The following CTNNA2 variants were observed in gnomAD, a reference collection of about 807,000 sequenced individuals.
CTNNA2 encodes the protein catenin alpha 2.
In CTNNA2, 42 loss-of-function variants were observed where a neutral mutation model predicts 101.0. The ratio of observed to expected loss-of-function variants is 0.42; its 90% confidence interval spans 0.32 to 0.54. The LOEUF (loss-of-function observed/expected upper bound fraction) is 0.54, where lower values mean the gene tolerates loss of function less well. Ranked by LOEUF, CTNNA2 falls within the 20% of genes least tolerant of loss-of-function variation. The pLI is 0.14. For missense variants in CTNNA2, 871 were observed against 1,223.1 expected, an observed-to-expected ratio of 0.71 and a Z score of 4.29; for synonymous variants, 450 against 456.4, an observed-to-expected ratio of 0.99 and a Z score of 0.18.
chr2:79,875,798 A>G (rs1012864553), intron 6 of CTNNA2, among the ~76,000 whole-genome samples: 4 of 152,126 alleles, frequency 2.6e-5, no homozygotes, highest in Admixed American at 6.6e-5. Flanking sequence ...AAGACTTAAT[A>G]ATAGGTAATT....
chr2:80,614,232 T>C (rs1698675378), intron 17 of CTNNA2, among the ~76,000 whole-genome samples: 2 of 151,414 alleles, frequency 1.3e-5, no homozygotes, highest in South Asian at 2.1e-4. Context: ...GCCTTCTGTA[T>C]CTGTGAGTTC....
chr2:80,082,047 G>A (rs954144297), intron 7 of CTNNA2, among the ~76,000 whole-genome samples: 22 of 152,098 alleles, frequency 1.4e-4, no homozygotes, highest in African/African-American at 5.3e-4. Flanking sequence ...GGACCTAAGT[G>A]TAGGAATTAA....
At chr2:79,701,037 C>A (rs1453745781) in intron 2 of CTNNA2, among the ~76,000 whole-genome samples, 1 of 152,078 alleles carries the variant, frequency 6.6e-6, no homozygotes, top group East Asian at 1.9e-4. Flanking sequence ...TGATGAAAAA[C>A]AAAATATAGG....
intron 4 of CTNNA2, among the ~76,000 whole-genome samples, chr2:79,477,168 C>CTTTTTTTTTTTTTTTTTTTTTTTTTTTG (rs5832392): frequency 8.1e-6 from 1 of 123,148 alleles, no homozygotes; most frequent in Non-Finnish European, 1.6e-5. Context: ...TCTTTTTTTT[C>CTTTTTTTTTTTTTTTTTTTTTTTTTTTG]TTTTTTTTTT....
chr2:79,790,970 A>G (rs541967726), intron 3 of CTNNA2, among the ~76,000 whole-genome samples: 1 of 152,310 alleles, frequency 6.6e-6, no homozygotes. Context: ...AGAGCTGATT[A>G]ATTAAACCTT....
At chr2:80,588,166 G>C (rs1247873958) in intron 14 of CTNNA2, among the ~76,000 whole-genome samples, 1 of 152,146 alleles carries the variant, frequency 6.6e-6, no homozygotes, top group African/African-American at 2.4e-5. Context: ...CAATAACTCT[G>C]TAACTCATGC....
intron 7 of CTNNA2, among the ~76,000 whole-genome samples, chr2:80,211,717 T>C (rs1206420450): frequency 6.6e-6 from 1 of 152,198 alleles, no homozygotes; most frequent in Non-Finnish European, 1.5e-5. Flanking sequence ...TTTGGTTCCA[T>C]ATGAACTTTA....
intron 2 of CTNNA2, among the ~76,000 whole-genome samples, chr2:79,715,090 C>T (rs1685992094): frequency 6.7e-6 from 1 of 150,338 alleles, no homozygotes; most frequent in Non-Finnish European, 1.5e-5. Context: ...GCCTGTAATC[C>T]CAGGTACTTG....
chr2:79,874,156 G>A lies in CTNNA2; in HGVS notation c.666G>A (p.Thr222=), dbSNP rs202210209. 8 of 1,614,184 alleles carry A rather than the reference G, an allele frequency of 5.0e-6. No individual in the cohort carries two copies. The Admixed American group carries it at 5.0e-5, about 10-fold the overall frequency. The change falls in exon 6 of 19, where the codon ACG becomes ACA. Residue 222 remains threonine (T), a synonymous_variant. Transcript: ENST00000402739. ...AGAAGAATGCCACAATGCTGTACAC[G>A]GCCTCTCAAGCATTTCTCCGCCACC... ...ALKKNATMLY[T]ASQAFLRHPD... is the part of the protein sequence containing the mutation.
chr2:80,224,514 G>A (rs1308374959), intron 7 of CTNNA2, among the ~76,000 whole-genome samples: 2 of 151,174 alleles, frequency 1.3e-5, no homozygotes, highest in South Asian at 2.1e-4. Flanking sequence ...GTGTGATCTC[G>A]GCTCACTGCA....
intron 7 of CTNNA2, among the ~76,000 whole-genome samples, chr2:80,204,458 G>A (rs1354243163): frequency 6.6e-6 from 1 of 152,088 alleles, no homozygotes; most frequent in African/African-American, 2.4e-5. Context: ...CAAATCTCTA[G>A]AGCAGAGGCA....
chr2:80,033,816 C>T (rs561838816), intron 7 of CTNNA2, among the ~76,000 whole-genome samples: 1 of 151,970 alleles, frequency 6.6e-6, no homozygotes, highest in South Asian at 2.1e-4. Flanking sequence ...TATGGAAATT[C>T]AGTGTATGAA....
intron 8 of CTNNA2, among the ~76,000 whole-genome samples, chr2:80,412,352 A>T (rs2149395958): frequency 6.6e-6 from 1 of 152,324 alleles, no homozygotes; most frequent in Non-Finnish European, 1.5e-5. Context: ...TCTTTGTTAT[A>T]ACATTTTAAG....
At chr2:79,630,602 G>A (rs1479410886) in intron 1 of CTNNA2, among the ~76,000 whole-genome samples, 1 of 152,168 alleles carries the variant, frequency 6.6e-6, no homozygotes, top group African/African-American at 2.4e-5. Flanking sequence ...AATACCCAAA[G>A]TGCTAAAAGA....
chr2:79,211,489 GT>G (rs1558574719), intron 2 of CTNNA2, among the ~76,000 whole-genome samples: 1 of 152,190 alleles, frequency 6.6e-6, no homozygotes, highest in African/African-American at 2.4e-5. Context: ...TAAGATTTGG[GT>G]AGGTAAAGGA....
chr2:79,967,504 A>G (rs1690159055), intron 7 of CTNNA2, among the ~76,000 whole-genome samples: 1 of 152,130 alleles, frequency 6.6e-6, no homozygotes, highest in African/African-American at 2.4e-5. Flanking sequence ...AATTCTCCAA[A>G]TAGTAGCTAG....
intron 7 of CTNNA2, among the ~76,000 whole-genome samples, chr2:80,348,022 G>A (rs1672928853): frequency 6.6e-6 from 1 of 151,904 alleles, no homozygotes; most frequent in Non-Finnish European, 1.5e-5. Flanking sequence ...AGCTCCCCAG[G>A]TGGTTGTAAG....
At chr2:80,088,576 AT>A (rs1699589037) in intron 7 of CTNNA2, among the ~76,000 whole-genome samples, 2 of 152,252 alleles carry the variant, frequency 1.3e-5, no homozygotes, top group African/African-American at 4.8e-5. Context: ...AATAAATATA[AT>A]ATACTTTCTG....
intron 3 of CTNNA2, among the ~76,000 whole-genome samples, chr2:79,789,193 A>G (rs1675079064): frequency 6.6e-6 from 1 of 152,180 alleles, no homozygotes. Context: ...AGTCAGGGAA[A>G]TGTTCCTAGA....
Sources: gnomAD v4.1 joint callset for allele counts (sites outside exome capture counted in the v4.1 genomes callset) on GRCh38, gnomAD v4.1.1 for gene constraint, MANE v1.5 for transcripts, NCBI Gene and HGNC (gene_info 2026-07-23, HGNC 2026-07-21) for gene names.